ZNF521: variants seen among roughly 807,000 people sequenced by gnomAD.
ZNF521 encodes the protein zinc finger protein 521, also known as LYST-interacting protein 3.
Under a neutral mutation model 105.5 loss-of-function variants are expected in ZNF521, and 14 were observed. The ratio of observed to expected loss-of-function variants is 0.13; its 90% CI spans 0.09 to 0.21. The LOEUF (loss-of-function observed/expected upper bound fraction) is 0.21. Among genes scored for constraint, ZNF521 ranks in the 10% least tolerant of loss-of-function variants. The pLI is 1.00. For synonymous variants in ZNF521, 635 were observed against 606.0 expected, an observed-to-expected ratio of 1.05 and a Z score of -0.70; for missense variants, 1,233 against 1,629.7, an observed-to-expected ratio of 0.76 and a Z score of 4.19.
At chr18:25,292,212 T>C (rs1487676778) in intron 3 of ZNF521, among the ~76,000 whole-genome samples, 1 of 152,006 alleles carries the variant, frequency 6.6e-6, no homozygotes, top group Non-Finnish European at 1.5e-5. Flanking sequence ...CACTTTTTGC[T>C]GTATCCCATA....
At chr18:25,214,585 G>A (rs762292506) in intron 4 of ZNF521, among the ~76,000 whole-genome samples, 2 of 152,084 alleles carry the variant, frequency 1.3e-5, no homozygotes, top group Non-Finnish European at 2.9e-5. Flanking sequence ...CTTTTGAAAT[G>A]TATTTATCCT....
At chr18:25,112,521 G>A (rs572562747) in intron 5 of ZNF521, among the ~76,000 whole-genome samples, 1 of 152,274 alleles carries the variant, frequency 6.6e-6, no homozygotes, top group African/African-American at 2.4e-5. Context: ...ATGATAAAGA[G>A]CACAGCTGAG....
chr18:25,343,278 G>A (rs757301371), intron 2 of ZNF521, among the ~76,000 whole-genome samples: 4 of 152,134 alleles, frequency 2.6e-5, no homozygotes, highest in Non-Finnish European at 5.9e-5. Context: ...TCAATGATAC[G>A]CTGATTTTAA....
intron 7 of ZNF521, among the ~76,000 whole-genome samples, chr18:25,065,165 G>A (rs1423837563): frequency 6.6e-6 from 1 of 152,124 alleles, no homozygotes; most frequent in African/African-American, 2.4e-5. Flanking sequence ...CAAGTTTATA[G>A]AAAGGTTTTT....
intron 3 of ZNF521, among the ~76,000 whole-genome samples, chr18:25,310,897 G>A (rs1912270647): frequency 6.6e-6 from 1 of 152,016 alleles, no homozygotes; most frequent in Admixed American, 6.6e-5. Flanking sequence ...CACTTTTAAT[G>A]TGTGTTCAAA....
intron 3 of ZNF521, among the ~76,000 whole-genome samples, chr18:25,310,937 A>G (rs1912272318): frequency 6.6e-6 from 1 of 152,200 alleles, no homozygotes; most frequent in African/African-American, 2.4e-5. Context: ...ACTTAAATTC[A>G]TTCTACAATT....
At chr18:25,305,107 A>G (rs961809282) in intron 3 of ZNF521, among the ~76,000 whole-genome samples, 2 of 152,216 alleles carry the variant, frequency 1.3e-5, no homozygotes, top group Non-Finnish European at 2.9e-5. Context: ...CTATTTTCCT[A>G]GAAAGCAAAA....
At chr18:25,072,050 G>A (rs1402257091) in intron 7 of ZNF521, among the ~76,000 whole-genome samples, 1 of 152,214 alleles carries the variant, frequency 6.6e-6, no homozygotes, top group East Asian at 1.9e-4. Flanking sequence ...CTGCAGATAT[G>A]TCCGGCTGTG....
intron 7 of ZNF521, among the ~76,000 whole-genome samples, chr18:25,067,328 A>AT (rs945737644): frequency 1.3e-5 from 2 of 152,122 alleles, no homozygotes; most frequent in Admixed American, 6.5e-5. Context: ...TGCTGTATGT[A>AT]TTTTTTTTCT....
At chr18:25,194,585 T>C (rs1223340857) in intron 5 of ZNF521, among the ~76,000 whole-genome samples, 1 of 151,810 alleles carries the variant, frequency 6.6e-6, no homozygotes, top group Non-Finnish European at 1.5e-5. Context: ...AAACTACTTT[T>C]ATTAAAATCT....
chr18:25,085,455 T>C (rs182676767), intron 7 of ZNF521, among the ~76,000 whole-genome samples: 9 of 152,020 alleles, frequency 5.9e-5, no homozygotes, highest in Admixed American at 5.9e-4. Flanking sequence ...GTTTGTGATA[T>C]TCAAAGGATG....
At chr18:25,207,918 T>C (rs2036111425) in intron 4 of ZNF521, among the ~76,000 whole-genome samples, 1 of 152,198 alleles carries the variant, frequency 6.6e-6, no homozygotes, top group African/African-American at 2.4e-5. Context: ...TAGGGGGCCC[T>C]TTCCCAACCA....
Position 25,345,922 on chromosome 18 carries a change from T to G in ZNF521, c.40+4985A>C, listed in dbSNP as rs7243908. Reference sequence around the variant, plus strand: ...GCTTTTTAGCATACAAGTCCAAAAGTAAAGCATACATTTCTGTATGCCAAT... The same window carrying G: ...GCTTTTTAGCATACAAGTCCAAAAGGAAAGCATACATTTCTGTATGCCAAT... On this transcript the variant is annotated intron_variant, in intron 2 of 7. Coordinates refer to ENST00000361524, the MANE Select transcript of ZNF521 (RefSeq NM_015461.3). Among the ~76,000 whole-genome samples the G allele has an allele frequency of 1.8e-3, 275 of 152,282 alleles. 1 individual carries two copies. Among genetic ancestry groups the G allele is most frequent in the African/African-American group, 6.1e-3 (255 of 41,558 alleles).
chr18:25,346,825 G>A (rs1914482718), intron 2 of ZNF521, among the ~76,000 whole-genome samples: 1 of 151,990 alleles, frequency 6.6e-6, no homozygotes, highest in Admixed American at 6.6e-5. Flanking sequence ...ATGGGTTTAT[G>A]AACACCTGAG....
chr18:25,263,365 T>G (rs1909041720), intron 3 of ZNF521, among the ~76,000 whole-genome samples: 1 of 152,104 alleles, frequency 6.6e-6, no homozygotes, highest in Non-Finnish European at 1.5e-5. Flanking sequence ...GCTTTTTTTT[T>G]TGTTTTTTTG....
chr18:25,258,173 G>A (rs772455485), intron 3 of ZNF521, among the ~76,000 whole-genome samples: 19 of 152,210 alleles, frequency 1.2e-4, no homozygotes, highest in Non-Finnish European at 1.9e-4. Context: ...CTTCCTGTTC[G>A]TTACCTTCTT....
At chr18:25,106,916 T>C (rs891706326) in intron 5 of ZNF521, among the ~76,000 whole-genome samples, 1 of 152,182 alleles carries the variant, frequency 6.6e-6, no homozygotes, top group Non-Finnish European at 1.5e-5. Flanking sequence ...CCTGGTATGT[T>C]AGCAAACACA....
intron 4 of ZNF521, among the ~76,000 whole-genome samples, chr18:25,209,884 T>A (rs1476482025): frequency 6.6e-6 from 1 of 152,178 alleles, no homozygotes; most frequent in Non-Finnish European, 1.5e-5. Context: ...TTTACATTCT[T>A]TTTGCTCCCT....
chr18:25,120,626 CAAAA>C (rs1202871922), intron 5 of ZNF521, among the ~76,000 whole-genome samples: 3 of 142,160 alleles, frequency 2.1e-5, no homozygotes, highest in African/African-American at 7.9e-5. Flanking sequence ...AACAAACAAA[CAAAA>C]AAACCTAGTA....
Sources: gnomAD v4.1 joint callset for allele counts (sites outside exome capture counted in the v4.1 genomes callset) on GRCh38, gnomAD v4.1.1 for gene constraint, MANE v1.5 for transcripts, NCBI Gene and HGNC (gene_info 2026-07-23, HGNC 2026-07-21) for gene names.